Variants in RAB3C observed in about 807,000 individuals in gnomAD.
The protein encoded by RAB3C is RAB3C, member RAS oncogene family.
RAB3C carries 17 observed loss-of-function variants against 26.4 expected under a neutral mutation model. The observed-to-expected ratio is 0.64, with a 90% CI of 0.44 to 0.97. The LOEUF (loss-of-function observed/expected upper bound fraction) is 0.97, where lower values mean the gene tolerates loss of function less well. Among genes scored for constraint, RAB3C ranks in the 50% least tolerant of loss-of-function variants. The probability of loss-of-function intolerance (pLI) is 0.00; values close to 1 mark genes in which losing one functional copy is unlikely to be tolerated. For synonymous variants in RAB3C, 91 were observed against 95.9 expected, an observed-to-expected ratio of 0.95 and a Z score of 0.30; for missense variants, 242 against 281.9, an observed-to-expected ratio of 0.86 and a Z score of 1.01.
At chr5:58,754,767 A>C (rs1252719353) in intron 3 of RAB3C, among the ~76,000 whole-genome samples, 1 of 152,226 alleles carries the variant, frequency 6.6e-6, no homozygotes, top group African/African-American at 2.4e-5. Context: ...AAAAAAGAGT[A>C]ACAAATTGTA....
At chr5:58,698,195 G>T (rs1416596457) in intron 2 of RAB3C, among the ~76,000 whole-genome samples, 1 of 152,088 alleles carries the variant, frequency 6.6e-6, no homozygotes, top group Non-Finnish European at 1.5e-5. Flanking sequence ...GGTAATTTTG[G>T]CTGGATATGA....
At chr5:58,811,041 T>G (rs1282831645) in intron 3 of RAB3C, among the ~76,000 whole-genome samples, 1 of 152,186 alleles carries the variant, frequency 6.6e-6, no homozygotes, top group Non-Finnish European at 1.5e-5. Flanking sequence ...AGGACTTAAT[T>G]TGAGCCTCTG....
At chr5:58,716,817 AAC>A (rs1335475429) in intron 2 of RAB3C, among the ~76,000 whole-genome samples, 1 of 149,928 alleles carries the variant, frequency 6.7e-6, no homozygotes, top group Non-Finnish European at 1.5e-5. Flanking sequence ...AAAAAAAAAA[AAC>A]AACTCAGGCA....
At chr5:58,848,482 A>G (rs1236780229) in intron 4 of RAB3C, 1 of 152,224 alleles carries the variant, frequency 6.6e-6, no homozygotes, top group Non-Finnish European at 1.5e-5. Flanking sequence ...CAGCTTTGCC[A>G]TTTACTAGCT....
intron 2 of RAB3C, among the ~76,000 whole-genome samples, chr5:58,624,180 G>A (rs1214584426): frequency 2.0e-5 from 3 of 152,142 alleles, no homozygotes; most frequent in Admixed American, 6.5e-5. Flanking sequence ...GGTAGAGCAC[G>A]CCAAGGGTCT....
At chr5:58,733,065 C>G (rs1044426580) in intron 3 of RAB3C, among the ~76,000 whole-genome samples, 8 of 152,066 alleles carry the variant, frequency 5.3e-5, no homozygotes, top group African/African-American at 1.9e-4. Context: ...ACAATACTAC[C>G]CAGTATATGT....
chr5:58,717,819 G>A (rs1260374957), intron 2 of RAB3C, among the ~76,000 whole-genome samples: 1 of 151,922 alleles, frequency 6.6e-6, no homozygotes, highest in Non-Finnish European at 1.5e-5. Context: ...CTCTCTCCAG[G>A]TATCAAGTAC....
At chr5:58,748,250 C>G (rs1741441814) in intron 3 of RAB3C, among the ~76,000 whole-genome samples, 1 of 152,098 alleles carries the variant, frequency 6.6e-6, no homozygotes, top group African/African-American at 2.4e-5. Flanking sequence ...AGAGAGATAA[C>G]TTACCCTTTA....
At chr5:58,674,745 T>C (rs1375150640) in intron 2 of RAB3C, among the ~76,000 whole-genome samples, 4 of 152,130 alleles carry the variant, frequency 2.6e-5, no homozygotes, top group African/African-American at 4.8e-5. Context: ...ACAAAGAAAG[T>C]GCACGGAAAA....
intron 3 of RAB3C, among the ~76,000 whole-genome samples, chr5:58,793,581 C>CTTTTTT (rs55954473): frequency 7.2e-6 from 1 of 138,304 alleles, no homozygotes; most frequent in Non-Finnish European, 1.5e-5. Context: ...CATTTTGCCA[C>CTTTTTT]TTTTTTTTTT....
intron 2 of RAB3C, among the ~76,000 whole-genome samples, chr5:58,660,648 T>C (rs778380639): frequency 2.0e-5 from 3 of 150,352 alleles, no homozygotes; most frequent in Non-Finnish European, 4.4e-5. Flanking sequence ...GCCAACAAGA[T>C]AGACCAACGC....
At position 58,726,125 on chromosome 5, in the gene RAB3C, G is replaced by A. The variant is rs1202445109; in HGVS notation, c.371+5G>A. The stretch of plus-strand genomic sequence containing the variant: ...CTTCAATGCAGTACAAGATTGGTAA[G>A]TCAGAGCAAATACTCTTATTACTGA... On this transcript the variant is annotated splice_donor_5th_base_variant and intron_variant, in intron 3 of 4. Transcript: ENST00000282878. The A allele has an allele frequency of 1.4e-6, 2 of 1,437,100 alleles. No homozygotes were observed. The highest frequency in any genetic ancestry group is 9.7e-7 in the Non-Finnish European group (1 of 1,031,602). 89.0% of individuals were successfully genotyped at this position (1,437,100 alleles called of 1,614,324 possible).
chr5:58,820,653 G>A (rs1046357684), intron 3 of RAB3C, among the ~76,000 whole-genome samples: 3 of 152,044 alleles, frequency 2.0e-5, no homozygotes, highest in African/African-American at 4.8e-5. Context: ...TCAAAATAAC[G>A]ATTCTTTGTA....
intron 3 of RAB3C, among the ~76,000 whole-genome samples, chr5:58,821,701 T>C (rs1743346248): frequency 6.6e-6 from 1 of 152,198 alleles, no homozygotes. Flanking sequence ...CAAGAATATA[T>C]TTCCCCAGAT....
intron 2 of RAB3C, among the ~76,000 whole-genome samples, chr5:58,670,337 T>G (rs1748089472): frequency 6.6e-6 from 1 of 152,184 alleles, no homozygotes; most frequent in South Asian, 2.1e-4. Context: ...AATTTAAGCT[T>G]TGGCTCATAT....
intron 3 of RAB3C, among the ~76,000 whole-genome samples, chr5:58,796,020 C>G (rs1409858685): frequency 6.6e-6 from 1 of 152,164 alleles, no homozygotes; most frequent in East Asian, 1.9e-4. Context: ...TTACTCCTCT[C>G]AGATCTGCAT....
intron 1 of RAB3C, among the ~76,000 whole-genome samples, chr5:58,615,470 G>T (rs1331090927): frequency 6.6e-6 from 1 of 152,140 alleles, no homozygotes; most frequent in African/African-American, 2.4e-5. Context: ...ATGTCTGCAG[G>T]AATAGCACTG....
At chr5:58,653,703 A>G (rs1432716241) in intron 2 of RAB3C, among the ~76,000 whole-genome samples, 1 of 152,214 alleles carries the variant, frequency 6.6e-6, no homozygotes, top group Admixed American at 6.5e-5. Flanking sequence ...CTATTTTCAC[A>G]ATATTGTGAT....
chr5:58,689,622 C>A (rs1015710340), intron 2 of RAB3C, among the ~76,000 whole-genome samples: 5 of 152,142 alleles, frequency 3.3e-5, no homozygotes, highest in South Asian at 2.1e-4. Flanking sequence ...ATGGTGAAGA[C>A]AATGAGGCTT....
Sources: gnomAD v4.1 joint callset for allele counts (sites outside exome capture counted in the v4.1 genomes callset) on GRCh38, gnomAD v4.1.1 for gene constraint, MANE v1.5 for transcripts, NCBI Gene and HGNC (gene_info 2026-07-23, HGNC 2026-07-21) for gene names.